Variants in TRIO observed in about 807,000 individuals in gnomAD.
The protein encoded by TRIO is trio Rho guanine nucleotide exchange factor.
TRIO carries 58 observed loss-of-function variants against 351.9 expected under a neutral mutation model. That is an observed-to-expected ratio of 0.16 (90% CI 0.13 to 0.21). The LOEUF (loss-of-function observed/expected upper bound fraction) is 0.21. Ranked by LOEUF, TRIO falls within the 10% of genes least tolerant of loss-of-function variation. The probability of loss-of-function intolerance (pLI) is 1.00; values close to 1 mark genes in which losing one functional copy is unlikely to be tolerated. For missense variants in TRIO, 3,201 were observed against 4,027.8 expected, an observed-to-expected ratio of 0.79 and a Z score of 5.56; for synonymous variants, 1,758 against 1,595.7, an observed-to-expected ratio of 1.10 and a Z score of -2.42.
At chr5:14,412,948 C>T (rs747110930) in intron 33 of TRIO, among the ~76,000 whole-genome samples, 24 of 150,894 alleles carry the variant, frequency 1.6e-4, no homozygotes, top group Middle Eastern at 6.8e-3. Context: ...GTTTCCTCAT[C>T]TGTAAATGGG....
intron 11 of TRIO, among the ~76,000 whole-genome samples, chr5:14,347,118 C>A (rs111645567): frequency 4.2e-4 from 29 of 69,776 alleles, no homozygotes; most frequent in African/African-American, 1.6e-3. Context: ...AGAGATGATG[C>A]TGGACCAGTC....
chr5:14,380,182 C>A (rs761109132), intron 20 of TRIO, among the ~76,000 whole-genome samples: 8 of 152,234 alleles, frequency 5.3e-5, no homozygotes, highest in African/African-American at 1.9e-4. Context: ...ACTGCACTCT[C>A]GGTTCCCTGT....
chr5:14,414,354 G>A (rs1297313949), intron 33 of TRIO, among the ~76,000 whole-genome samples: 1 of 152,200 alleles, frequency 6.6e-6, no homozygotes, highest in Non-Finnish European at 1.5e-5. Flanking sequence ...CACGTCTCTG[G>A]TTTGCCTACC....
At chr5:14,304,660 GA>G (rs556514343) in intron 8 of TRIO, 68 bp downstream of exon 8, 1,212 of 1,422,866 alleles carry the variant, frequency 8.5e-4, no homozygotes, top group Middle Eastern at 4.0e-3. Context: ...CCGGAAGCTA[GA>G]AAAAAAAAAG....
chr5:14,455,635 T>A lies in TRIO; in HGVS notation c.5204-5384T>A, dbSNP rs553148028. ...CTTGAGCTAGACACAGAGTGCTGAT[T>A]GGTGTATTTACAATCCTTTAACTAA... On this transcript the variant is annotated intron_variant, in intron 34 of 56. Coordinates refer to ENST00000344204, the MANE Select transcript of TRIO (RefSeq NM_007118.4). 2.6e-5 allele frequency among the ~76,000 whole-genome samples: 4 copies of A among 152,258 alleles called. No homozygotes were observed. The East Asian group carries it at 7.7e-4, about 29-fold the overall frequency.
chr5:14,292,086 GAATT>G (rs944492719), intron 5 of TRIO, among the ~76,000 whole-genome samples: 1 of 152,216 alleles, frequency 6.6e-6, no homozygotes, highest in Non-Finnish European at 1.5e-5. Context: ...GAACATGGGT[GAATT>G]AATCATTGAG....
intron 15 of TRIO, 56 bp downstream of exon 15, chr5:14,364,872 T>A: frequency 6.5e-7 from 1 of 1,535,196 alleles, no homozygotes; most frequent in Admixed American, 2.0e-5. Flanking sequence ...TGATACCTCA[T>A]CGACTTCCCG....
At chr5:14,144,832 CCCCGCGT>C (rs1185481566) in intron 1 of TRIO, among the ~76,000 whole-genome samples, 1 of 151,744 alleles carries the variant, frequency 6.6e-6, no homozygotes, top group African/African-American at 2.4e-5. Context: ...GGGCCCGCGT[CCCCGCGT>C]CCCGCGTCCC....
intron 31 of TRIO, among the ~76,000 whole-genome samples, chr5:14,401,871 T>C (rs537992676): frequency 1.4e-4 from 22 of 152,252 alleles, no homozygotes; most frequent in Non-Finnish European, 2.6e-4. Context: ...CAGAGTGTAA[T>C]GGGACTCTGG....
In TRIO at chr5:14,326,351, ATTCTGAACAGCTTTCTGCC is replaced by A. The variant is rs535957656; in HGVS notation, c.1732-4420_1732-4402del. 4.1e-3 allele frequency among the ~76,000 whole-genome samples: 619 copies of A among 152,334 alleles called. 5 individuals carry two copies. The highest frequency in any genetic ancestry group is 0.014 in the African/African-American group (598 of 41,564). ...TTACAAACAGGGAGTTAAGCTAAAC[ATTCTGAACAGCTTTCTGCC>A]TTCTGACATTTGACTTAGGTGCTGA... On this transcript the variant is annotated intron_variant, in intron 9 of 56. Coordinates refer to ENST00000344204, the MANE Select transcript of TRIO (RefSeq NM_007118.4).
At chr5:14,212,996 A>G (rs1352828827) in intron 1 of TRIO, among the ~76,000 whole-genome samples, 1 of 152,210 alleles carries the variant, frequency 6.6e-6, no homozygotes, top group African/African-American at 2.4e-5. Flanking sequence ...GTTTCTGACC[A>G]AGAAGAGTTC....
chr5:14,287,216 G>T, intron 4 of TRIO, 153 bp downstream of exon 4: 1 of 725,510 alleles, frequency 1.4e-6, no homozygotes, highest in South Asian at 1.9e-5. Flanking sequence ...GTTACTGCAT[G>T]AAATAACAGA....
chr5:14,162,658 G>A lies in TRIO; in HGVS notation c.157+18776G>A, dbSNP rs149455930. ...TATTATTTTGATAGCACTGGTCAGG[G>A]ATCATTTTTATATCCTGGCTTGATG... On this transcript the variant is annotated intron_variant, in intron 1 of 56. Transcript: ENST00000344204. 1.6e-3 allele frequency among the ~76,000 whole-genome samples: 245 copies of A among 152,284 alleles called. 1 individual carries two copies. Among genetic ancestry groups the A allele is most frequent in the Middle Eastern group, 6.8e-3 (2 of 294 alleles).
intron 37 of TRIO, chr5:14,466,494 C>A (rs150383104): frequency 6.1e-4 from 93 of 152,328 alleles, no homozygotes; most frequent in Admixed American, 1.8e-3. Context: ...TTAAGACAGG[C>A]ATGTGTTGCT....
chr5:14,292,966 T>C, intron 5 of TRIO, 46 bp from the exon 6 acceptor site: 1 of 1,612,430 alleles, frequency 6.2e-7, no homozygotes, highest in South Asian at 1.1e-5. Flanking sequence ...GTGTCAGTAA[T>C]TTCTCTTTCT....
chr5:14,188,397 G>C (rs1397908079), intron 1 of TRIO, among the ~76,000 whole-genome samples: 1 of 152,164 alleles, frequency 6.6e-6, no homozygotes, highest in Admixed American at 6.5e-5. Flanking sequence ...GTTAGTTAAG[G>C]GATGGGGTGG....
intron 11 of TRIO, among the ~76,000 whole-genome samples, chr5:14,349,076 C>T (rs536010367): frequency 5.7e-4 from 86 of 150,402 alleles, no homozygotes; most frequent in Non-Finnish European, 1.0e-3. Flanking sequence ...TGTGTGTATG[C>T]ACATGAGCAT....
intron 9 of TRIO, among the ~76,000 whole-genome samples, chr5:14,322,740 C>G (rs1360199311): frequency 6.6e-6 from 1 of 152,198 alleles, no homozygotes; most frequent in Non-Finnish European, 1.5e-5. Context: ...TCATATAGCC[C>G]TAGCTGTTTA....
In TRIO at chr5:14,316,634, T is replaced by TCCACGAGGTGCTGCA; in HGVS notation, c.1627_1641dup (p.Glu543_His547dup). On this transcript the variant is annotated inframe_insertion, in exon 9 of 57. Coordinates refer to ENST00000344204, the MANE Select transcript of TRIO (RefSeq NM_007118.4). ...GCCGTGCACCATGTCCTGGATGTCA[T>TCCACGAGGTGCTGCA]CCACGAGGTGCTGCACCACCAGCGG... is the stretch of plus-strand genomic sequence containing the variant. The TCCACGAGGTGCTGCA allele has an allele frequency of 6.2e-7, 1 of 1,614,214 alleles. No homozygotes were observed. Among genetic ancestry groups the TCCACGAGGTGCTGCA allele is most frequent in the Non-Finnish European group, 8.5e-7 (1 of 1,180,046 alleles).
Sources: allele counts gnomAD v4.1 joint callset (sites outside exome capture counted in the v4.1 genomes callset), GRCh38; gene constraint gnomAD v4.1.1; transcripts MANE v1.5; gene names NCBI Gene and HGNC (gene_info 2026-07-23, HGNC 2026-07-21).